Variants in FAM240C observed in about 807,000 individuals in gnomAD.
FAM240C encodes protein FAM240C.
In FAM240C, 14 loss-of-function variants were observed where a neutral mutation model predicts 10.0. The ratio of observed to expected loss-of-function variants is 1.40; its 90% CI spans 0.92 to 2.19. FAM240C has a LOEUF of 2.19. Among genes scored for constraint, FAM240C ranks in the 30% most tolerant of loss-of-function variants. FAM240C has a pLI of 0.00. For synonymous variants in FAM240C, 49 were observed against 44.3 expected (o/e 1.11, Z -0.42); for missense variants, 154 against 122.3 (o/e 1.26, Z -1.22).
chr2:241,899,090 G>A (rs1041436772), intron 1 of FAM240C: 2 of 1,296,340 alleles, frequency 1.5e-6, no homozygotes, highest in Non-Finnish European at 2.0e-6. Flanking sequence ...GAGACCCGCG[G>A]GCTCGTTTCC....
upstream of FAM240C, among the ~76,000 whole-genome samples, chr2:241,900,600 G>A (rs1227095210): frequency 6.6e-6 from 1 of 152,184 alleles, no homozygotes; most frequent in Non-Finnish European, 1.5e-5. The surrounding 1 kb of genome is among the most constrained non-coding windows in gnomAD (Gnocchi z 4.5). Context: ...CTGGAGGACG[G>A]CCAGCTGGGC....
At position 241,897,196 on chromosome 2, in the gene FAM240C, C is replaced by A. The variant is rs1333287679; in HGVS notation, c.151G>T (p.Ala51Ser). 5.8e-6 allele frequency: 9 copies of A among 1,549,642 alleles called. No individual in the cohort carries two copies. Among genetic ancestry groups the A allele is most frequent in the Non-Finnish European group, 7.0e-6 (8 of 1,146,448 alleles). The stretch of plus-strand genomic sequence containing the variant: ...CACACCCCGACTCACTTGTTCAGAG[C>A]GCTTCTGCGAACCCTGATGTCCTCG... ...QNEDIRVRRS[A>S]LNKLRVGWAE... Residue 51 changes from alanine to serine, a missense_variant, in exon 2 of 3, where the codon GCT (alanine) becomes TCT (serine). Transcript: ENST00000404031.
chr2:241,902,091 G>A (rs892310083), upstream of FAM240C, among the ~76,000 whole-genome samples: 1 of 152,222 alleles, frequency 6.6e-6, no homozygotes, highest in East Asian at 1.9e-4. The surrounding 1 kb of genome is among the most constrained non-coding windows in gnomAD (Gnocchi z 7.1). Context: ...CAGCCAGAGC[G>A]GAGGAGGAAT....
intron 1 of FAM240C, among the ~76,000 whole-genome samples, chr2:241,897,542 T>C (rs1436505751): frequency 2.0e-5 from 3 of 152,158 alleles, no homozygotes; most frequent in Non-Finnish European, 1.5e-5. Flanking sequence ...CTCTACCGGC[T>C]CCACCTTCTG....
upstream of FAM240C, among the ~76,000 whole-genome samples, chr2:241,901,353 C>G (rs76494538): frequency 6.6e-6 from 1 of 152,282 alleles, no homozygotes; most frequent in East Asian, 1.9e-4. This position sits in a 1 kb window ranked among gnomAD's most constrained non-coding sequence, Gnocchi z 4.9. Context: ...TTCAGTCTCC[C>G]GGGTCACTTG....
chr2:241,897,019 C>T (rs993755943), intron 2 of FAM240C, among the ~76,000 whole-genome samples, 167 bp downstream of exon 2: 8 of 151,888 alleles, frequency 5.3e-5, no homozygotes, highest in Non-Finnish European at 7.4e-5. Context: ...GAATGGCTGT[C>T]AGTTTCCTCC....
intron 2 of FAM240C, among the ~76,000 whole-genome samples, chr2:241,895,954 A>G (rs1346731701): frequency 2.0e-5 from 2 of 101,632 alleles, no homozygotes; most frequent in African/African-American, 9.5e-5. Flanking sequence ...TGGGGCAAGC[A>G]CTCGGTGGTG....
rs1277979214 is a variant in FAM240C, at chr2:241,897,337, G to A, written c.13-3C>T. 6.5e-7 allele frequency: 1 copy of A among 1,549,008 alleles called. No homozygotes were observed. Among genetic ancestry groups the A allele is most frequent in the South Asian group, 1.2e-5 (1 of 84,042 alleles). On this transcript the variant is annotated splice_polypyrimidine_tract_variant and splice_region_variant and intron_variant, in intron 1 of 2. Transcript: ENST00000404031. ...AGAGTGAGGCTTTTACTCATGTTCTGGAAAATAAAAAGTGGAGAAGAGCTC... is the reference window on the plus strand; with the variant it reads ...AGAGTGAGGCTTTTACTCATGTTCTAGAAAATAAAAAGTGGAGAAGAGCTC...
intron 2 of FAM240C, among the ~76,000 whole-genome samples, chr2:241,896,197 A>G (rs28366438): frequency 0.25 from 37,819 of 152,102 alleles, 5,323 homozygotes; most frequent in African/African-American, 0.38. Flanking sequence ...AGTGTCTTGC[A>G]GCAAATGAGC....
chr2:241,895,100 A>T (rs62191173), intron 2 of FAM240C, among the ~76,000 whole-genome samples: 1 of 152,108 alleles, frequency 6.6e-6, no homozygotes, highest in Non-Finnish European at 1.5e-5. Flanking sequence ...GACACTTGTC[A>T]CAGATGCCCA....
intron 2 of FAM240C, among the ~76,000 whole-genome samples, chr2:241,895,342 A>C (rs1701771194): frequency 6.6e-6 from 1 of 152,344 alleles, no homozygotes; most frequent in East Asian, 1.9e-4. Context: ...CGGCCCTCAC[A>C]GCCGGCCGCC....
At chr2:241,898,357 G>A (rs1454178908) in intron 1 of FAM240C, among the ~76,000 whole-genome samples, 1 of 152,146 alleles carries the variant, frequency 6.6e-6, no homozygotes, top group Non-Finnish European at 1.5e-5. Flanking sequence ...TAAGAGACCA[G>A]CCTGGCCAAC....
chr2:241,898,994 C>T, intron 1 of FAM240C: 2 of 708,280 alleles, frequency 2.8e-6, no homozygotes, highest in South Asian at 2.9e-5. Context: ...GGAGGCATTT[C>T]TCTTTCCCCG....
chr2:241,900,015 C>T lies in FAM240C; in HGVS notation c.12+343G>A, dbSNP rs1261627740. ...CCGGGAGGCGGAGGTTGCAGTGAGCCGCGATCATGCCACTGCACTCCAGCC... is the reference window on the plus strand; with the variant it reads ...CCGGGAGGCGGAGGTTGCAGTGAGCTGCGATCATGCCACTGCACTCCAGCC... On this transcript the variant is annotated intron_variant, in intron 1 of 2. Coordinates refer to ENST00000404031, the MANE Select transcript of FAM240C (RefSeq NM_001382368.1). This position sits in a 1 kb window ranked among gnomAD's most constrained non-coding sequence, Gnocchi z 4.5. 6.6e-6 allele frequency among the ~76,000 whole-genome samples: 1 copy of T among 152,156 alleles called. No homozygotes were observed. Among genetic ancestry groups the T allele is most frequent in the African/African-American group, 2.4e-5 (1 of 41,520 alleles).
intron 1 of FAM240C, among the ~76,000 whole-genome samples, chr2:241,897,649 T>C (rs187166767): frequency 5.9e-5 from 9 of 152,324 alleles, no homozygotes; most frequent in Admixed American, 5.9e-4. Context: ...CACTTCTAAC[T>C]CTCTGTGTGT....
chr2:241,894,486 C>A, intron 2 of FAM240C, 147 bp from the exon 3 acceptor site: 1 of 882,204 alleles, frequency 1.1e-6, no homozygotes, highest in Non-Finnish European at 1.6e-6. Flanking sequence ...GCATCCCTGC[C>A]CAGCCAGCAG....
Position 241,894,273 on chromosome 2 carries a change from G to C in FAM240C, c.228C>G (p.Cys76Trp). ...RNKMLQGPGR[C>W]PDRVPEATES... ...CAGTGGCCTCCGGGACCCTGTCTGG[G>C]CATCTCCCTGGGCCCTGCAGCATCT... Residue 76 changes from cysteine to tryptophan, a missense_variant, in exon 3 of 3, where the codon TGC (cysteine) becomes TGG (tryptophan). By Grantham distance (215) the Cys-to-Trp change is radical. Coordinates refer to ENST00000404031, the MANE Select transcript of FAM240C (RefSeq NM_001382368.1). 1.3e-6 allele frequency: 2 copies of C among 1,549,892 alleles called. No homozygotes were observed. Among genetic ancestry groups the C allele is most frequent in the Non-Finnish European group, 1.7e-6 (2 of 1,146,792 alleles).
At chr2:241,900,538 C>T (rs1471887965), upstream of FAM240C, 33 of 613,608 alleles carry the variant, frequency 5.4e-5, 1 homozygote, top group South Asian at 5.3e-4. The surrounding 1 kb of genome is among the most constrained non-coding windows in gnomAD (Gnocchi z 4.5). Flanking sequence ...GTCTGGGCAC[C>T]GTCCCTGGCA....
chr2:241,901,979 C>T (rs1385200642), upstream of FAM240C, among the ~76,000 whole-genome samples: 1 of 152,206 alleles, frequency 6.6e-6, no homozygotes, highest in Non-Finnish European at 1.5e-5. The surrounding 1 kb of genome is among the most constrained non-coding windows in gnomAD (Gnocchi z 4.9). Flanking sequence ...GGCAGGGCGC[C>T]ACCGTGCTGG....
Sources: allele counts gnomAD v4.1 joint callset (sites outside exome capture counted in the v4.1 genomes callset), GRCh38; gene constraint gnomAD v4.1.1; non-coding constraint Gnocchi (gnomAD v3.1); transcripts MANE v1.5; gene names NCBI Gene and HGNC (gene_info 2026-07-23, HGNC 2026-07-21).